Variants in ATP9A observed in about 807,000 individuals in gnomAD.
ATP9A encodes ATPase phospholipid transporting 9A, also known as probable phospholipid-transporting ATPase IIA.
ATP9A carries 52 observed loss-of-function variants against 144.1 expected under a neutral mutation model. The observed-to-expected ratio is 0.36, with a 90% CI of 0.29 to 0.45. ATP9A has a LOEUF of 0.45. ATP9A is among the 20% of genes least tolerant of loss of function. ATP9A has a pLI of 1.00. For missense variants in ATP9A, 947 were observed against 1,392.7 expected (o/e 0.68, Z 5.09); for synonymous variants, 582 against 557.4 (o/e 1.04, Z -0.62).
intron 2 of ATP9A, 74 bp from the exon 3 acceptor site, chr20:51,726,006 T>G: frequency 2.1e-6 from 2 of 940,802 alleles, no homozygotes; most frequent in Admixed American, 3.9e-5. Context: ...TGGTGGGAAA[T>G]GAATAACATC....
chr20:51,748,928 T>TAGAC (rs2077819532), intron 1 of ATP9A, among the ~76,000 whole-genome samples: 1 of 139,638 alleles, frequency 7.2e-6, no homozygotes, highest in African/African-American at 2.8e-5. Context: ...GATAGATAGA[T>TAGAC]AGATAGATAG....
At position 51,618,775 on chromosome 20, in the gene ATP9A, A is replaced by G. The variant is rs1281354023; in HGVS notation, c.2237T>C (p.Met746Thr). The G allele has an allele frequency of 1.2e-6, 2 of 1,604,300 alleles. No homozygotes were observed. The highest frequency in any genetic ancestry group is 1.7e-5 in the Admixed American group (1 of 58,756). ...GGCCGGGCACTGGCAGGCCAGCTCC[A>G]TGAACTCGTACTCATAGTACTTGAG... is the stretch of plus-strand genomic sequence containing the variant. ...VCLKYYEYEF[M>T]ELACQCPAVV... The change falls in exon 21 of 28, where the codon ATG becomes ACG. Residue 746 changes from methionine to threonine, a missense_variant. Transcript: ENST00000338821.
intron 1 of ATP9A, among the ~76,000 whole-genome samples, chr20:51,757,391 G>A (rs2077861106): frequency 6.6e-6 from 1 of 152,278 alleles, no homozygotes; most frequent in African/African-American, 2.4e-5. Context: ...CACGGTAGGA[G>A]CAGGGCACTG....
Position 51,713,046 on chromosome 20 carries a change from CG to C in ATP9A, c.355del (p.Arg119ValfsTer30). The stretch of plus-strand genomic sequence containing the variant: ...GCATCGGATCTCCTCCACCGCCTCA[CG>C]GATGACAGTGACGGCCAGCACGAAG... The part of the protein sequence containing the change: ...LGFVLAVTVI[R>X]EAVEEIRCYV... On this transcript the variant is annotated frameshift_variant, in exon 4 of 28. Transcript: ENST00000338821. LOFTEE classifies it high-confidence loss of function. 6.2e-7 allele frequency: 1 copy of C among 1,612,644 alleles called. No individual in the cohort carries two copies. The highest frequency in any genetic ancestry group is 8.5e-7 in the Non-Finnish European group (1 of 1,179,450).
intron 1 of ATP9A, among the ~76,000 whole-genome samples, chr20:51,743,914 G>A (rs1429779461): frequency 1.3e-5 from 2 of 151,154 alleles, no homozygotes; most frequent in Non-Finnish European, 2.9e-5. Context: ...AGCTGAAACA[G>A]GAGAATCGCT....
chr20:51,702,382 G>A (rs993327219), intron 4 of ATP9A, among the ~76,000 whole-genome samples: 8 of 151,224 alleles, frequency 5.3e-5, no homozygotes, highest in Non-Finnish European at 1.2e-4. Context: ...GTGTGTGTGT[G>A]TGTGTGTGTG....
At chr20:51,638,230 T>C (rs2077303641) in intron 15 of ATP9A, among the ~76,000 whole-genome samples, 1 of 147,650 alleles carries the variant, frequency 6.8e-6, no homozygotes, top group Non-Finnish European at 1.5e-5. Context: ...CAAGTATCTC[T>C]TTCCTCCATG....
chr20:51,675,891 A>G (rs2077475009), intron 10 of ATP9A, among the ~76,000 whole-genome samples: 1 of 151,832 alleles, frequency 6.6e-6, no homozygotes, highest in Admixed American at 6.6e-5. Context: ...AAAAAAGAAA[A>G]AAAAAAAAAA....
intron 1 of ATP9A, among the ~76,000 whole-genome samples, chr20:51,733,982 T>G (rs953337329): frequency 1.3e-5 from 2 of 151,992 alleles, no homozygotes; most frequent in Non-Finnish European, 2.9e-5. Context: ...CCCTCATGCC[T>G]TTTTCTTTTC....
At chr20:51,706,011 G>C (rs192320908) in intron 4 of ATP9A, among the ~76,000 whole-genome samples, 3 of 152,196 alleles carry the variant, frequency 2.0e-5, no homozygotes, top group African/African-American at 4.8e-5. Context: ...ATGTGAATTT[G>C]TAAGTAGGAG....
At chr20:51,741,648 C>T (rs1305632203) in intron 1 of ATP9A, among the ~76,000 whole-genome samples, 1 of 152,144 alleles carries the variant, frequency 6.6e-6, no homozygotes, top group Non-Finnish European at 1.5e-5. Context: ...AACAGAGTTT[C>T]CCAAACTTCA....
At chr20:51,671,557 T>A (rs548676441) in intron 11 of ATP9A, among the ~76,000 whole-genome samples, 1 of 152,160 alleles carries the variant, frequency 6.6e-6, no homozygotes, top group African/African-American at 2.4e-5. Flanking sequence ...TAAGCTAATA[T>A]ATTTTTGATG....
At position 51,672,140 on chromosome 20, in the gene ATP9A, T is replaced by TA. The variant is rs538669916; in HGVS notation, c.1038-884dup. Among the ~76,000 whole-genome samples the TA allele has an allele frequency of 6.6e-5, 10 of 152,058 alleles. No homozygotes were observed. In the East Asian group the frequency reaches 1.5e-3, roughly 23 times the overall value. On this transcript the variant is annotated intron_variant, in intron 11 of 27. Coordinates refer to ENST00000338821, the MANE Select transcript of ATP9A (RefSeq NM_006045.3). ...TAGACACTGCATGTAAGTTGAATCA[T>TA]ACACTTTTTCTGACTTTTGGGGGGG...
In ATP9A at chr20:51,598,943, C is replaced by T. The variant is rs1396061207; in HGVS notation, c.*2268G>A. 6.6e-6 allele frequency: 1 copy of T among 152,266 alleles called. No homozygotes were observed. Among genetic ancestry groups the T allele is most frequent in the Non-Finnish European group, 1.5e-5 (1 of 68,056 alleles). The allele number at this position is 152,266 out of a possible 1,614,324, so 9.4% of individuals were successfully genotyped here. On this transcript the variant is annotated 3_prime_UTR_variant, in exon 28 of 28. Transcript: ENST00000338821. ...TAAAAAGGTTTGTGGAGAACACTGA[C>T]GAGTACCTTCCACTTCCAACTATGG...
chr20:51,627,137 T>G (rs980192940), intron 17 of ATP9A, among the ~76,000 whole-genome samples: 3 of 150,534 alleles, frequency 2.0e-5, no homozygotes, highest in Non-Finnish European at 1.5e-5. Context: ...TTCAAAAATA[T>G]TTTATTCCCG....
intron 15 of ATP9A, among the ~76,000 whole-genome samples, chr20:51,638,098 T>TCTC (rs2077302009): frequency 9.5e-6 from 1 of 104,770 alleles, no homozygotes; most frequent in Admixed American, 9.5e-5. Context: ...TATATATATA[T>TCTC]ATATATATAT....
rs372519291 is a variant in ATP9A, at chr20:51,687,084, TTTG to T, written c.799+1977_799+1979del. Among the ~76,000 whole-genome samples the T allele has an allele frequency of 1.8e-4, 27 of 152,234 alleles. No homozygotes were observed. The South Asian group carries it at 5.6e-3, about 32-fold the overall frequency. ...GAATAAAAAGAGTAATTAATTATTA[TTTG>T]TTAATAAATGACTTGAAAGCAAGAA... On this transcript the variant is annotated intron_variant, in intron 9 of 27. Transcript: ENST00000338821.
chr20:51,650,739 G>C (rs4809860), intron 14 of ATP9A, among the ~76,000 whole-genome samples: 71,291 of 151,674 alleles, frequency 0.47, 17,708 homozygotes, highest in East Asian at 0.8. Flanking sequence ...GCTAGCCATG[G>C]AGACACTCTG....
intron 22 of ATP9A, among the ~76,000 whole-genome samples, chr20:51,615,824 C>CG (rs1425972188): frequency 8.6e-5 from 13 of 152,024 alleles, no homozygotes; most frequent in Admixed American, 2.0e-4. Flanking sequence ...TTAGTAGAGA[C>CG]GGGGTCTCAC....
Sources: allele counts gnomAD v4.1 joint callset (sites outside exome capture counted in the v4.1 genomes callset), GRCh38; gene constraint gnomAD v4.1.1; transcripts MANE v1.5; gene names NCBI Gene and HGNC (gene_info 2026-07-23, HGNC 2026-07-21).